The following HTR1E variants were observed in gnomAD, a reference collection of about 807,000 sequenced individuals.
The protein encoded by HTR1E is 5-hydroxytryptamine receptor 1E.
HTR1E carries 3 observed loss-of-function variants against 3.4 expected under a neutral mutation model. The observed-to-expected ratio is 0.89, with a 90% CI of 0.41 to 2.31. The LOEUF is 2.31. HTR1E is among the 30% of genes most tolerant of loss of function. HTR1E has a pLI of 0.05. For missense variants in HTR1E, 392 were observed against 467.0 expected (o/e 0.84, Z 1.48); for synonymous variants, 170 against 182.8 (o/e 0.93, Z 0.56).
intron 1 of HTR1E, among the ~76,000 whole-genome samples, chr6:86,973,293 AGTGGCTGT>A (rs1291045464): frequency 1.8e-5 from 2 of 113,978 alleles, no homozygotes; most frequent in Non-Finnish European, 3.6e-5. Flanking sequence ...GAACAAAGGC[AGTGGCTGT>A]GTGTGTGTGT....
At chr6:86,989,773 G>A (rs1351130844) in intron 1 of HTR1E, among the ~76,000 whole-genome samples, 1 of 152,130 alleles carries the variant, frequency 6.6e-6, no homozygotes, top group African/African-American at 2.4e-5. Flanking sequence ...AGCAAGGAGT[G>A]TCTTTTTCAG....
In HTR1E at chr6:86,956,671, C is replaced by G. The variant is rs74544357; in HGVS notation, c.-186+18848C>G. ...TACATGTTCTCCGACCCTCCTGAAG[C>G]TGTGTCATTGGCATGCCCTTATTCT... On this transcript the variant is annotated intron_variant, in intron 1 of 1. Coordinates refer to ENST00000305344, the MANE Select transcript of HTR1E (RefSeq NM_000865.3). Among the ~76,000 whole-genome samples, 775 of 152,240 alleles carry G rather than the reference C, an allele frequency of 5.1e-3. 6 individuals carry two copies. Among genetic ancestry groups the G allele is most frequent in the African/African-American group, 0.018 (731 of 41,528 alleles).
intron 1 of HTR1E, among the ~76,000 whole-genome samples, chr6:87,009,694 AC>A (rs1768173075): frequency 7.3e-6 from 1 of 136,394 alleles, no homozygotes; most frequent in East Asian, 2.4e-4. Context: ...CGGGGGGCCG[AC>A]CCCCCAACCT....
At chr6:87,002,952 AT>A (rs536086768) in intron 1 of HTR1E, among the ~76,000 whole-genome samples, 97 of 152,346 alleles carry the variant, frequency 6.4e-4, no homozygotes, top group African/African-American at 2.2e-3. Context: ...ATCAGATTTA[AT>A]CTGCACTATA....
At chr6:87,010,782 G>C (rs1313673471) in intron 1 of HTR1E, among the ~76,000 whole-genome samples, 1 of 151,546 alleles carries the variant, frequency 6.6e-6, no homozygotes, top group Non-Finnish European at 1.5e-5. Context: ...GGCACTTTGG[G>C]AGGCCAAGGC....
chr6:86,995,686 A>AAAAAAAAAAAAAAAAAAAAAAAAC (rs1767930811), intron 1 of HTR1E, among the ~76,000 whole-genome samples: 1 of 63,824 alleles, frequency 1.6e-5, no homozygotes, highest in Non-Finnish European at 4.3e-5. Context: ...AAAAAAAAAA[A>AAAAAAAAAAAAAAAAAAAAAAAAC]AGAAAAAAAA....
chr6:87,010,870 G>A (rs1271266132), intron 1 of HTR1E, among the ~76,000 whole-genome samples: 3 of 152,158 alleles, frequency 2.0e-5, no homozygotes, highest in African/African-American at 4.8e-5. Flanking sequence ...GGCGCTCGCC[G>A]GCCTATACGC....
intron 1 of HTR1E, among the ~76,000 whole-genome samples, chr6:86,942,001 G>A (rs1485097618): frequency 6.6e-6 from 1 of 152,170 alleles, no homozygotes; most frequent in Non-Finnish European, 1.5e-5. Context: ...ACATAAAAAT[G>A]CCATTAGAAA....
chr6:86,939,221 C>T (rs537169068), intron 1 of HTR1E, among the ~76,000 whole-genome samples: 6 of 152,294 alleles, frequency 3.9e-5, no homozygotes, highest in African/African-American at 1.4e-4. Flanking sequence ...CCCTTCAGAG[C>T]TTTAGCCTCC....
chr6:87,005,379 A>C (rs1262953754), intron 1 of HTR1E, among the ~76,000 whole-genome samples: 1 of 152,230 alleles, frequency 6.6e-6, no homozygotes, highest in Non-Finnish European at 1.5e-5. Context: ...TGGTGCTGGC[A>C]TAAAAACAGA....
intron 1 of HTR1E, among the ~76,000 whole-genome samples, chr6:86,940,745 C>T (rs185072756): frequency 3.9e-5 from 6 of 152,224 alleles, no homozygotes; most frequent in East Asian, 1.9e-4. Flanking sequence ...TCAAATCTAA[C>T]GCTCTAATGT....
At chr6:86,949,752 AC>A (rs1227150233) in intron 1 of HTR1E, among the ~76,000 whole-genome samples, 1 of 152,156 alleles carries the variant, frequency 6.6e-6, no homozygotes, top group Non-Finnish European at 1.5e-5. Flanking sequence ...AAATTAAAAT[AC>A]ATTTTATTAT....
intron 1 of HTR1E, among the ~76,000 whole-genome samples, chr6:86,975,896 TTCTC>T (rs146571369): frequency 6.7e-4 from 87 of 130,302 alleles, no homozygotes; most frequent in South Asian, 2.5e-3. Flanking sequence ...CCTTCTCTCT[TTCTC>T]TCTCTCTCTC....
intron 1 of HTR1E, among the ~76,000 whole-genome samples, chr6:86,977,361 T>C (rs904851527): frequency 6.6e-6 from 1 of 152,216 alleles, no homozygotes; most frequent in Non-Finnish European, 1.5e-5. Context: ...ACAAAGGATA[T>C]TATTTCATTC....
intron 1 of HTR1E, among the ~76,000 whole-genome samples, chr6:86,966,159 G>A (rs116243788): frequency 6.6e-6 from 1 of 151,958 alleles, no homozygotes. Context: ...AAAAAAAAAT[G>A]AATACAGGAT....
At chr6:86,997,163 C>T (rs1767951505) in intron 1 of HTR1E, among the ~76,000 whole-genome samples, 1 of 151,874 alleles carries the variant, frequency 6.6e-6, no homozygotes, top group African/African-American at 2.4e-5. Flanking sequence ...AAAAAAGATT[C>T]ACATAAAAGT....
chr6:86,971,133 G>A, intron 1 of HTR1E: 1 of 509,944 alleles, frequency 2.0e-6, no homozygotes, highest in Non-Finnish European at 3.9e-6. Flanking sequence ...TTTTGTAGAA[G>A]GTGGAGATGC....
chr6:86,938,823 C>T (rs1427640759), intron 1 of HTR1E, among the ~76,000 whole-genome samples: 1 of 152,122 alleles, frequency 6.6e-6, no homozygotes, highest in African/African-American at 2.4e-5. Context: ...CTTATGTTTT[C>T]CCTCAAAGCT....
intron 1 of HTR1E, among the ~76,000 whole-genome samples, chr6:86,938,723 G>A (rs1217510389): frequency 6.6e-6 from 1 of 152,158 alleles, no homozygotes; most frequent in African/African-American, 2.4e-5. Flanking sequence ...ATCTCTTGGG[G>A]AGGGAGCAGC....
Sources: allele counts gnomAD v4.1 joint callset (sites outside exome capture counted in the v4.1 genomes callset), GRCh38; gene constraint gnomAD v4.1.1; transcripts MANE v1.5; gene names NCBI Gene and HGNC (gene_info 2026-07-23, HGNC 2026-07-21).